PREPL: variants seen among roughly 807,000 people sequenced by gnomAD.
PREPL encodes the protein prolyl endopeptidase like.
PREPL carries 77 observed loss-of-function variants against 70.6 expected under a neutral mutation model. The ratio of observed to expected loss-of-function variants is 1.09; its 90% CI spans 0.91 to 1.32. PREPL has a LOEUF of 1.32. PREPL is among the 40% of genes most tolerant of loss of function. The probability of loss-of-function intolerance (pLI) is 0.00; values close to 1 mark genes in which losing one functional copy is unlikely to be tolerated. For missense variants in PREPL, 1,002 were observed against 778.2 expected (o/e 1.29, Z -3.42); for synonymous variants, 315 against 264.8 (o/e 1.19, Z -1.84).
chr2:44,346,361 T>C lies in PREPL; in HGVS notation c.-19A>G, dbSNP rs1327854438. 1 of 1,613,150 alleles carries C rather than the reference T, an allele frequency of 6.2e-7. No homozygotes were observed. The highest frequency in any genetic ancestry group is 2.2e-5 in the East Asian group (1 of 44,742). On this transcript the variant is annotated 5_prime_UTR_variant, in exon 2 of 14. Coordinates refer to ENST00000409411, the MANE Select transcript of PREPL (RefSeq NM_001171613.2). ...CATCCATGTTTTCTGGAAGGGGTTT[T>C]TCGTTTTCTTGTTTAACAGGCTGAA...
Position 44,322,765 on chromosome 2 carries a change from T to C in PREPL, c.1719A>G (p.Glu573=). 2 of 1,613,984 alleles carry C rather than the reference T, an allele frequency of 1.2e-6. No homozygotes were observed. The highest frequency in any genetic ancestry group is 1.7e-6 in the Non-Finnish European group (2 of 1,179,852). The change falls in exon 12 of 14, where the codon GAA becomes GAG. Residue 573 remains glutamate, a synonymous_variant. Transcript: ENST00000409411. ...TGTCCTTAGCATGCTCCGCGATGGC[T>C]TCCTTGAGTTTCTCAGTATAACTTA... The part of the protein sequence containing the change: ...GIVSYTEKLK[E]AIAEHAKDTG...
At position 44,320,102 on chromosome 2, in the gene PREPL, A is replaced by C. The variant is rs1672796507; in HGVS notation, c.*1254T>G. Reference sequence around the variant, plus strand: ...AATTATAAGGGGCAAAATTGGAGCAAGTGTTTTGGGTAAATAACTCCTTAC... The same window carrying C: ...AATTATAAGGGGCAAAATTGGAGCACGTGTTTTGGGTAAATAACTCCTTAC... On this transcript the variant is annotated 3_prime_UTR_variant, in exon 14 of 14. Coordinates refer to ENST00000409411, the MANE Select transcript of PREPL (RefSeq NM_001171613.2). 1 of 1,082,028 alleles carries C rather than the reference A, an allele frequency of 9.2e-7. No homozygotes were observed. The highest frequency in any genetic ancestry group is 1.3e-6 in the Non-Finnish European group (1 of 750,652). The allele number at this position is 1,082,028 out of a possible 1,614,324, so 67.0% of individuals were successfully genotyped here.
intron 8 of PREPL, among the ~76,000 whole-genome samples, chr2:44,329,527 C>G (rs1673876562): frequency 6.6e-6 from 1 of 152,122 alleles, no homozygotes; most frequent in African/African-American, 2.4e-5. Flanking sequence ...TTTTGAGTAT[C>G]TACAAATATG....
chr2:44,322,532 T>C (rs1673077133), intron 12 of PREPL, among the ~76,000 whole-genome samples, 199 bp downstream of exon 12: 1 of 152,236 alleles, frequency 6.6e-6, no homozygotes, highest in African/African-American at 2.4e-5. Context: ...ATACTGTCCT[T>C]TGAAAAAGAG....
chr2:44,339,565 A>G (rs1674994041), intron 5 of PREPL, among the ~76,000 whole-genome samples: 1 of 152,214 alleles, frequency 6.6e-6, no homozygotes, highest in South Asian at 2.1e-4. Flanking sequence ...GGCATTCAAA[A>G]TAATTTACTT....
chr2:44,322,132 C>T (rs920591079), intron 12 of PREPL, among the ~76,000 whole-genome samples: 1 of 152,138 alleles, frequency 6.6e-6, no homozygotes, highest in African/African-American at 2.4e-5. Context: ...TATGGTGCCA[C>T]ACGGACAAGG....
At chr2:44,357,451 TTTACA>T (rs767184407) in intron 1 of PREPL, among the ~76,000 whole-genome samples, 19 of 152,208 alleles carry the variant, frequency 1.2e-4, no homozygotes, top group Non-Finnish European at 2.8e-4. Flanking sequence ...GACCATGGCT[TTTACA>T]TTACATCATT....
chr2:44,360,628 G>C (rs959499361), intron 1 of PREPL: 2 of 152,128 alleles, frequency 1.3e-5, no homozygotes, highest in African/African-American at 4.8e-5. Flanking sequence ...CCTGGGTTGA[G>C]GTCTTAGCTC....
At chr2:44,360,664 TCA>T (rs1255738147) in intron 1 of PREPL, 1 of 152,228 alleles carries the variant, frequency 6.6e-6, no homozygotes, top group Non-Finnish European at 1.5e-5. Flanking sequence ...TCTCCGGGCC[TCA>T]GTTTCTTCAT....
chr2:44,342,525 T>G lies in PREPL; in HGVS notation c.377A>C (p.Asp126Ala). The G allele has an allele frequency of 6.2e-7, 1 of 1,609,268 alleles. No individual in the cohort carries two copies. Among genetic ancestry groups the G allele is most frequent in the South Asian group, 1.1e-5 (1 of 90,852 alleles). The stretch of plus-strand genomic sequence containing the variant: ...CCTCTGGAAGGTGTAGAATAAAACA[T>G]CTTCATCTTCCTCGTCCTTTACCCA... ...FEWVKDEEDE[D>A]VLFYTFQRNL... Residue 126 changes from aspartate to alanine, a missense_variant, in exon 5 of 14, where the codon GAT becomes GCT. Asp to Ala is a moderately radical substitution (Grantham distance 126, BLOSUM62 -2). Coordinates refer to ENST00000409411, the MANE Select transcript of PREPL (RefSeq NM_001171613.2).
chr2:44,343,511 T>C (rs923454561), intron 4 of PREPL, among the ~76,000 whole-genome samples: 1 of 152,198 alleles, frequency 6.6e-6, no homozygotes, highest in African/African-American at 2.4e-5. Flanking sequence ...TTGTATGACA[T>C]GGACTCTAAT....
Position 44,321,298 on chromosome 2 carries a change from G to A in PREPL, c.*58C>T, listed in dbSNP as rs1007452120. 1.5e-6 allele frequency: 2 copies of A among 1,346,824 alleles called. No individual in the cohort carries two copies. Among genetic ancestry groups the A allele is most frequent in the Non-Finnish European group, 2.1e-6 (2 of 965,720 alleles). 83.4% of individuals were successfully genotyped at this position (1,346,824 alleles called of 1,614,324 possible). A position where few individuals can be genotyped will look rare whatever the true frequency, so the allele number is the denominator to read the frequency against. On this transcript the variant is annotated 3_prime_UTR_variant, in exon 14 of 14. Transcript: ENST00000409411. ...TAATTTTTTTTTTGCTAACTCAATT[G>A]GAAGTAAGACTATGAAATATTTCAG...
chr2:44,342,319 T>C, intron 5 of PREPL, 98 bp downstream of exon 5: 1 of 1,148,424 alleles, frequency 8.7e-7, no homozygotes, highest in Non-Finnish European at 1.2e-6. Flanking sequence ...TATTCCTGGT[T>C]CCAACCAAAA....
chr2:44,342,225 C>G (rs868596935), intron 5 of PREPL, among the ~76,000 whole-genome samples, 192 bp downstream of exon 5: 1 of 152,122 alleles, frequency 6.6e-6, no homozygotes, highest in Non-Finnish European at 1.5e-5. Context: ...AGTGATATAT[C>G]TGTATTTACT....
At chr2:44,359,648 A>C in intron 1 of PREPL, 1 of 1,613,302 alleles carries the variant, frequency 6.2e-7, no homozygotes, top group Non-Finnish European at 8.5e-7. Context: ...CTGTTTCTGC[A>C]TGCATTTTCC....
At chr2:44,355,774 TATATACAC>T (rs765124667) in intron 1 of PREPL, among the ~76,000 whole-genome samples, 4 of 134,816 alleles carry the variant, frequency 3.0e-5, no homozygotes, top group Non-Finnish European at 6.3e-5. Context: ...TATATATATA[TATATACAC>T]ACACACACAC....
Position 44,343,785 on chromosome 2 carries a change from C to A in PREPL, c.309G>T (p.Gln103His). 2 of 1,613,990 alleles carry A rather than the reference C, an allele frequency of 1.2e-6. No homozygotes were observed. Among genetic ancestry groups the A allele is most frequent in the Non-Finnish European group, 1.7e-6 (2 of 1,179,872 alleles). Residue 103 changes from glutamine (Q) to histidine (H), a missense_variant, in exon 4 of 14, where the codon CAG becomes CAT. Gln to His is a conservative substitution (Grantham distance 24, BLOSUM62 0). Coordinates refer to ENST00000409411, the MANE Select transcript of PREPL (RefSeq NM_001171613.2). Reference sequence around the variant, plus strand: ...TCGGGAAAGAAGCTTCCATTACGGGCTGATCGCTGAGCTTTATAATTACAC... The same window carrying A: ...TCGGGAAAGAAGCTTCCATTACGGGATGATCGCTGAGCTTTATAATTACAC... ...STCVIIKLSD[Q>H]PVMEASFPNV... is the part of the protein sequence containing the mutation.
chr2:44,339,176 T>C lies in PREPL; in HGVS notation c.673A>G (p.Thr225Ala), dbSNP rs1194412010. The C allele has an allele frequency of 3.1e-6, 5 of 1,613,970 alleles. No homozygotes were observed. Among genetic ancestry groups the C allele is most frequent in the Non-Finnish European group, 1.7e-6 (2 of 1,179,898 alleles). ...AATTCTGTAGGTTCTCCAACATTAG[T>C]GAGAATGTATAATTCATCATCTCTG... ...EHRDDELYIL[T>A]NVGEPTEFKL... Residue 225 changes from threonine to alanine, a missense_variant, in exon 6 of 14, where the codon ACT becomes GCT. Physicochemically the swap from Thr to Ala is moderately conservative, Grantham distance 58. Coordinates refer to ENST00000409411, the MANE Select transcript of PREPL (RefSeq NM_001171613.2).
intron 11 of PREPL, 106 bp from the exon 12 acceptor site, chr2:44,322,960 C>T: frequency 1.4e-6 from 2 of 1,434,772 alleles, no homozygotes; most frequent in Non-Finnish European, 1.9e-6. Context: ...TGTAAGTGCT[C>T]TATGCTTTTT....
Sources: allele counts gnomAD v4.1 joint callset (sites outside exome capture counted in the v4.1 genomes callset), GRCh38; gene constraint gnomAD v4.1.1; transcripts MANE v1.5; gene names NCBI Gene and HGNC (gene_info 2026-07-23, HGNC 2026-07-21).